The following RNF130 variants were observed in gnomAD, a reference collection of about 807,000 sequenced individuals.
The protein encoded by RNF130 is E3 ubiquitin-protein ligase RNF130.
RNF130 carries 21 observed loss-of-function variants against 44.6 expected under a neutral mutation model. That is an observed-to-expected ratio of 0.47 (90% CI 0.33 to 0.68). The LOEUF is 0.68. RNF130 is among the 30% of genes least tolerant of loss of function. The probability of loss-of-function intolerance (pLI) is 0.02; values close to 1 mark genes in which losing one functional copy is unlikely to be tolerated. For missense variants in RNF130, 479 were observed against 560.6 expected, an observed-to-expected ratio of 0.85 and a Z score of 1.47; for synonymous variants, 214 against 210.4, an observed-to-expected ratio of 1.02 and a Z score of -0.15.
At chr5:179,949,520 A>C (rs941879583) in intron 7 of RNF130, among the ~76,000 whole-genome samples, 3 of 152,178 alleles carry the variant, frequency 2.0e-5, no homozygotes, top group African/African-American at 7.2e-5. Flanking sequence ...AAGAAAAAAC[A>C]AAGACAAAAC....
chr5:179,967,483 A>C (rs987002395), intron 6 of RNF130, among the ~76,000 whole-genome samples: 2 of 152,226 alleles, frequency 1.3e-5, no homozygotes, highest in African/African-American at 4.8e-5. Context: ...AAACACAAGA[A>C]AAGCATAAAA....
exon 8 of RNF130, chr5:179,920,391 G>A (rs1258115738): frequency 3.3e-5 from 23 of 702,346 alleles, no homozygotes; most frequent in Admixed American, 6.0e-5. Flanking sequence ...ACCAGACTCC[G>A]AGGGGACAAG....
rs558760539 is a variant in RNF130 at position 179,955,794 on chromosome 5, A to G, written c.1245-125T>C. 2.8e-5 allele frequency: 19 copies of G among 675,212 alleles called. No homozygotes were observed. In the South Asian group the frequency reaches 4.6e-4, roughly 16 times the overall value. The allele number at this position is 675,212 out of a possible 1,614,324, so 41.8% of individuals were successfully genotyped here. A position where few individuals can be genotyped will look rare whatever the true frequency, so the allele number is the denominator to read the frequency against. ...CCAGCTAGTTCCCAACCCCTCTGGT[A>G]AGGCCAGGAAGCCATTAAGTGTTTT... On this transcript the variant is annotated intron_variant, in intron 8 of 8. Transcript: ENST00000521389.
Position 179,955,086 on chromosome 5 carries a change from T to C in RNF130, c.*568A>G, listed in dbSNP as rs961616669. On this transcript the variant is annotated 3_prime_UTR_variant, in exon 9 of 9. Transcript: ENST00000521389. ...CATTCCTTCATTCCACAAATATTTA[T>C]TGAGCACTTACGATGTGCAAAGCAC... The C allele has an allele frequency of 1.3e-5, 2 of 152,302 alleles. No individual in the cohort carries two copies. The highest frequency in any genetic ancestry group is 6.5e-5 in the Admixed American group (1 of 15,288). The allele number at this position is 152,302 out of a possible 1,614,324, so 9.4% of individuals were successfully genotyped here. A position where few individuals can be genotyped will look rare whatever the true frequency, so the allele number is the denominator to read the frequency against.
chr5:179,933,839 T>C lies in RNF130; in HGVS notation c.1151-13413A>G, dbSNP rs544059236. The C allele has an allele frequency of 3.2e-5, 25 of 790,884 alleles. No individual in the cohort carries two copies. In the East Asian group the frequency reaches 8.1e-4, roughly 26 times the overall value. The allele number at this position is 790,884 out of a possible 1,614,324, so 49.0% of individuals were successfully genotyped here. On this transcript the variant is annotated intron_variant, in intron 7 of 7. Transcript: ENST00000522208. Reference sequence around the variant, plus strand: ...GAATCCCAGGATTTTCCCTCCTGTGTGTTTTTGTCTTGCTTCTTCATGGTC... The same window carrying C: ...GAATCCCAGGATTTTCCCTCCTGTGCGTTTTTGTCTTGCTTCTTCATGGTC...
chr5:179,933,854 T>C, intron 7 of RNF130: 1 of 791,100 alleles, frequency 1.3e-6, no homozygotes, highest in Non-Finnish European at 2.1e-6. Flanking sequence ...TTGTCTTGCT[T>C]CTTCATGGTC....
intron 8 of RNF130, among the ~76,000 whole-genome samples, chr5:179,958,768 C>T (rs918163225): frequency 6.6e-6 from 1 of 152,134 alleles, no homozygotes; most frequent in Non-Finnish European, 1.5e-5. Flanking sequence ...CTCACTGCAA[C>T]CTTCGCCTCC....
intron 3 of RNF130, among the ~76,000 whole-genome samples, chr5:179,981,930 A>G (rs1762849964): frequency 6.6e-6 from 1 of 152,208 alleles, no homozygotes; most frequent in South Asian, 2.1e-4. Context: ...ACCCTGACAT[A>G]TATTTAAAGT....
chr5:180,038,668 A>G (rs1764333161), intron 2 of RNF130, among the ~76,000 whole-genome samples: 1 of 152,144 alleles, frequency 6.6e-6, no homozygotes, highest in Non-Finnish European at 1.5e-5. Context: ...GAAATGCTGC[A>G]TTGATACAGG....
At chr5:180,045,130 CTA>C (rs1314007939) in intron 1 of RNF130, among the ~76,000 whole-genome samples, 1 of 152,150 alleles carries the variant, frequency 6.6e-6, no homozygotes, top group Non-Finnish European at 1.5e-5. Flanking sequence ...GCCTACAACA[CTA>C]TACAAATTTA....
chr5:180,040,737 G>C (rs1158505073), intron 1 of RNF130, 90 bp from the exon 2 acceptor site: 1 of 1,222,660 alleles, frequency 8.2e-7, no homozygotes, highest in Non-Finnish European at 1.1e-6. Flanking sequence ...ATACCACACA[G>C]AGCTAAAGCA....
intron 1 of RNF130, among the ~76,000 whole-genome samples, chr5:180,046,798 C>A (rs1022412930): frequency 1.3e-5 from 2 of 152,206 alleles, no homozygotes; most frequent in Admixed American, 6.5e-5. Context: ...TGCCATGGCA[C>A]CCTTAGGTTA....
intron 1 of RNF130, among the ~76,000 whole-genome samples, chr5:180,058,900 A>G (rs776799670): frequency 6.6e-6 from 1 of 152,158 alleles, no homozygotes; most frequent in Non-Finnish European, 1.5e-5. Flanking sequence ...CAAGACAAAG[A>G]GTTCTGTAGA....
intron 1 of RNF130, among the ~76,000 whole-genome samples, chr5:180,070,834 A>T (rs1012161221): frequency 1.3e-5 from 2 of 152,208 alleles, no homozygotes; most frequent in African/African-American, 4.8e-5. Context: ...TTTGGTCGGC[A>T]CCCGTGACCT....
chr5:179,978,369 G>T, intron 4 of RNF130, 84 bp from the exon 5 acceptor site: 1 of 888,906 alleles, frequency 1.1e-6, no homozygotes, highest in Non-Finnish European at 1.9e-6. Flanking sequence ...GAATCTTTCT[G>T]TGGCTACTAT....
At chr5:180,049,813 CT>C (rs570342576) in intron 1 of RNF130, among the ~76,000 whole-genome samples, 14 of 152,232 alleles carry the variant, frequency 9.2e-5, no homozygotes, top group African/African-American at 2.4e-4. Context: ...CTTCTTTATA[CT>C]TTTTTTCCCT....
chr5:179,914,411 C>G (rs544312201), exon 8 of RNF130: 1 of 152,372 alleles, frequency 6.6e-6, no homozygotes, highest in South Asian at 2.1e-4. Flanking sequence ...GGAAATCATA[C>G]TCAATTGCTT....
intron 1 of RNF130, among the ~76,000 whole-genome samples, chr5:180,042,806 C>G (rs1270444310): frequency 6.6e-6 from 1 of 152,184 alleles, no homozygotes; most frequent in South Asian, 2.1e-4. Flanking sequence ...TGTGACTTAT[C>G]TCTTCTTCCC....
Position 180,071,652 on chromosome 5 carries a change from C to T in RNF130, c.51G>A (p.Leu17=), listed in dbSNP as rs1177578974. The T allele has an allele frequency of 1.4e-6, 2 of 1,469,870 alleles. No individual in the cohort carries two copies. Among genetic ancestry groups the T allele is most frequent in the East Asian group, 5.8e-5 (2 of 34,714 alleles). 91.1% of individuals were successfully genotyped at this position (1,469,870 alleles called of 1,614,324 possible). Residue 17 remains leucine, a synonymous_variant, in exon 1 of 9, where the codon CTG becomes CTA. Coordinates refer to ENST00000521389, the MANE Select transcript of RNF130 (RefSeq NM_018434.6). ...GTGCCGGCCACAGGCTGCAGGTCAG[C>T]AGGGCGAGCGCGGCGAGCCGGGCAG... ...AGPARLAALA[L]LTCSLWPARA...
Sources: allele counts gnomAD v4.1 joint callset (sites outside exome capture counted in the v4.1 genomes callset), GRCh38; gene constraint gnomAD v4.1.1; transcripts MANE v1.5; gene names NCBI Gene and HGNC (gene_info 2026-07-23, HGNC 2026-07-21).